Variants in ACSL6 observed in about 807,000 individuals in gnomAD.
ACSL6 encodes the protein acyl-CoA synthetase long chain family member 6.
In ACSL6, 47 loss-of-function variants were observed where a neutral mutation model predicts 98.2. The ratio of observed to expected loss-of-function variants is 0.48; its 90% CI spans 0.38 to 0.61. ACSL6 has a LOEUF of 0.61. ACSL6 is among the 20% of genes least tolerant of loss of function. The pLI is 0.00. For synonymous variants in ACSL6, 362 were observed against 336.9 expected (o/e 1.07, Z -0.82); for missense variants, 761 against 913.4 (o/e 0.83, Z 2.15).
chr5:131,982,749 T>C (rs886390819), intron 9 of ACSL6: 1 of 152,320 alleles, frequency 6.6e-6, no homozygotes, highest in Non-Finnish European at 1.5e-5. Flanking sequence ...TACAGATCTT[T>C]CAGGACTCTG....
chr5:131,958,449 T>C (rs1018543307), intron 20 of ACSL6, among the ~76,000 whole-genome samples: 1 of 152,248 alleles, frequency 6.6e-6, no homozygotes, highest in Admixed American at 6.5e-5. Flanking sequence ...AAGATAAATG[T>C]AACTTGCCTG....
chr5:131,981,153 G>C (rs772608013), intron 9 of ACSL6, among the ~76,000 whole-genome samples: 3 of 151,608 alleles, frequency 2.0e-5, no homozygotes, highest in Admixed American at 2.0e-4. Flanking sequence ...CCAAAGCTTC[G>C]GGGGCTTTGG....
At position 131,989,261 on chromosome 5, in the gene ACSL6, G is replaced by C. The variant is rs1754372793; in HGVS notation, c.552+146C>G. 4 of 775,596 alleles carry C rather than the reference G, an allele frequency of 5.2e-6. No individual in the cohort carries two copies. The African/African-American group carries it at 6.9e-5, about 13-fold the overall frequency. The allele number at this position is 775,596 out of a possible 1,614,324, so 48.0% of individuals were successfully genotyped here. ...CAGTGCTGATGAGGGGCAGAGCCAG[G>C]GTGGGAAGAGGAGTGGTGGCATAGC... On this transcript the variant is annotated intron_variant, in intron 5 of 20. Transcript: ENST00000651883.
chr5:132,008,383 G>A (rs1011685259), intron 1 of ACSL6, among the ~76,000 whole-genome samples: 1 of 152,162 alleles, frequency 6.6e-6, no homozygotes, highest in Non-Finnish European at 1.5e-5. Context: ...TTCTTTAGAC[G>A]GGCAACTTTG....
At chr5:131,959,390 C>T (rs1752581937) in intron 20 of ACSL6, 146 bp downstream of exon 20, 1 of 785,468 alleles carries the variant, frequency 1.3e-6, no homozygotes, top group Non-Finnish European at 2.1e-6. Context: ...CAGCTTGGAA[C>T]AGGCCTTCAG....
In ACSL6 at chr5:131,994,101, T is replaced by C. The variant is rs751533782; in HGVS notation, c.200A>G (p.Tyr67Cys). 5 of 1,614,106 alleles carry C rather than the reference T, an allele frequency of 3.1e-6. No homozygotes were observed. In the Admixed American group the frequency reaches 6.7e-5, roughly 22 times the overall value. Residue 67 changes from tyrosine to cysteine, a missense_variant, in exon 2 of 21, where the codon TAC becomes TGC. Transcript: ENST00000651883. ...SMGALAAILA[Y>C]WFTHRPKALQ... ...GGCCTTTGGCCGGTGAGTGAACCAG[T>C]AGGCAAGGATGGCAGCCAGGGCACC...
rs961389784 is a variant in ACSL6, at chr5:131,959,407, A to G, written c.2031+129T>C. 4 of 986,460 alleles carry G rather than the reference A, an allele frequency of 4.1e-6. No individual in the cohort carries two copies. In the African/African-American group the frequency reaches 6.5e-5, roughly 16 times the overall value. The allele number at this position is 986,460 out of a possible 1,614,324, so 61.1% of individuals were successfully genotyped here. ...GCTTGGAACAGGCCTTCAGGGGTCC[A>G]TTGGTACACAGCCTGCTGGCGGGCC... On this transcript the variant is annotated intron_variant, in intron 20 of 20. Coordinates refer to ENST00000651883, the MANE Select transcript of ACSL6 (RefSeq NM_001009185.3).
intron 1 of ACSL6, among the ~76,000 whole-genome samples, chr5:132,010,316 G>A (rs1292450703): frequency 1.3e-5 from 2 of 152,214 alleles, no homozygotes; most frequent in Admixed American, 1.3e-4. Context: ...ATCCAGCCAA[G>A]CACTTAGCAT....
chr5:131,991,066 A>C (rs570414320), intron 2 of ACSL6, 99 bp from the exon 3 acceptor site: 1 of 979,166 alleles, frequency 1.0e-6, no homozygotes, highest in Admixed American at 1.9e-5. Context: ...TCGGATGTAC[A>C]ACCCGTGCAT....
Position 131,990,134 on chromosome 5 carries a change from G to C in ACSL6, c.416C>G (p.Pro139Arg). 6.2e-7 allele frequency: 1 copy of C among 1,614,064 alleles called. No individual in the cohort carries two copies. The highest frequency in any genetic ancestry group is 8.5e-7 in the Non-Finnish European group (1 of 1,179,998). The change falls in exon 4 of 21, where the codon CCT becomes CGT. Residue 139 changes from proline to arginine, a missense_variant. Transcript: ENST00000651883. ...GNGPCLGFRK[P>R]KQPYQWLSYQ... is the part of the protein sequence containing the mutation. ...GGACAGCCACTGGTAAGGCTGCTTA[G>C]GCTTCCTGAAACCAAGACAGGGCCC...
chr5:131,998,919 C>T (rs896160583), intron 1 of ACSL6, among the ~76,000 whole-genome samples: 10 of 152,342 alleles, frequency 6.6e-5, no homozygotes, highest in Non-Finnish European at 1.3e-4. Context: ...CTTCCCTCCC[C>T]TTTGAATCAC....
intron 1 of ACSL6, among the ~76,000 whole-genome samples, chr5:132,010,814 T>C (rs961464248): frequency 4.6e-5 from 7 of 151,712 alleles, no homozygotes; most frequent in Admixed American, 2.0e-4. Context: ...AGACTCCAGG[T>C]GTGGGTGTAT....
intron 3 of ACSL6, 95 bp from the exon 4 acceptor site, chr5:131,990,259 C>A (rs1343721540): frequency 5.6e-6 from 7 of 1,251,138 alleles, no homozygotes; most frequent in African/African-American, 4.4e-5. Flanking sequence ...ACATCCCATA[C>A]TGTAGTGTGT....
At chr5:131,956,679 G>A (rs547751603) in intron 20 of ACSL6, among the ~76,000 whole-genome samples, 15 of 152,128 alleles carry the variant, frequency 9.9e-5, no homozygotes, top group Middle Eastern at 3.4e-3. Flanking sequence ...CTTTAACTAC[G>A]GGCCACAAAC....
At chr5:131,988,577 A>T in intron 6 of ACSL6, 10 of 1,612,936 alleles carry the variant, frequency 6.2e-6, no homozygotes, top group Non-Finnish European at 8.5e-6. Flanking sequence ...GCTGTTGCAG[A>T]GGCTCCTTCT....
intron 1 of ACSL6, among the ~76,000 whole-genome samples, chr5:132,007,569 G>A (rs563636028): frequency 2.6e-5 from 4 of 152,256 alleles, no homozygotes; most frequent in South Asian, 2.1e-4. Flanking sequence ...ACTGAACCTC[G>A]CTGAGTCTCA....
Position 131,988,158 on chromosome 5 carries a change from T to G in ACSL6, c.721A>C (p.Lys241Gln). The G allele has an allele frequency of 6.2e-7, 1 of 1,614,148 alleles. No homozygotes were observed. Among genetic ancestry groups the G allele is most frequent in the South Asian group, 1.1e-5 (1 of 91,072 alleles). ...ATCAGCTTGAGGCCTGGAGTCTCCT[T>G]CCTCTCCACATGCTCTAGCAGAAGC... ...AVLLLEHVER[K>Q]ETPGLKLIIL... Residue 241 changes from lysine (K) to glutamine (Q), a missense_variant, in exon 7 of 21, where the codon AAG (lysine) becomes CAG (glutamine). Physicochemically the swap from Lys to Gln is moderately conservative, Grantham distance 53. Coordinates refer to ENST00000651883, the MANE Select transcript of ACSL6 (RefSeq NM_001009185.3).
chr5:131,991,167 C>T (rs549079883), intron 2 of ACSL6, among the ~76,000 whole-genome samples, 200 bp from the exon 3 acceptor site: 12 of 152,168 alleles, frequency 7.9e-5, no homozygotes, highest in South Asian at 2.1e-4. Flanking sequence ...AGCCACACTC[C>T]GACATAGTTG....
rs545996779 is a variant in ACSL6, at chr5:131,965,215, T to C, written c.1713+1201A>G. Among the ~76,000 whole-genome samples, 30 of 152,200 alleles carry C rather than the reference T, an allele frequency of 2.0e-4. No individual in the cohort carries two copies. In the South Asian group the frequency reaches 6.2e-3, roughly 32 times the overall value. On this transcript the variant is annotated intron_variant, in intron 17 of 20. Coordinates refer to ENST00000651883, the MANE Select transcript of ACSL6 (RefSeq NM_001009185.3). Reference sequence around the variant, plus strand: ...CACCTCAAAATGTCCACCCAAACCTTAGCACTTCCCAAAGACACAGGAGAG... The same window carrying C: ...CACCTCAAAATGTCCACCCAAACCTCAGCACTTCCCAAAGACACAGGAGAG...
Sources: allele counts gnomAD v4.1 joint callset (sites outside exome capture counted in the v4.1 genomes callset), GRCh38; gene constraint gnomAD v4.1.1; transcripts MANE v1.5; gene names NCBI Gene and HGNC (gene_info 2026-07-23, HGNC 2026-07-21).